PLEKHA5: variants seen among roughly 807,000 people sequenced by gnomAD.
PLEKHA5 encodes the protein pleckstrin homology domain-containing family A member 5.
PLEKHA5 carries 55 observed loss-of-function variants against 181.9 expected under a neutral mutation model. That is an observed-to-expected ratio of 0.30 (90% CI 0.24 to 0.38). The LOEUF is 0.38. Ranked by LOEUF, PLEKHA5 falls within the 10% of genes least tolerant of loss-of-function variation. The pLI, the probability that PLEKHA5 is intolerant of heterozygous loss-of-function variation, is 1.00. For synonymous variants in PLEKHA5, 535 were observed against 529.4 expected, an observed-to-expected ratio of 1.01 and a Z score of -0.15; for missense variants, 1,432 against 1,549.5, an observed-to-expected ratio of 0.92 and a Z score of 1.27.
In PLEKHA5 at chr12:19,363,457, G is replaced by A. The variant is rs150225264; in HGVS notation, c.3608+1751G>A. Among the ~76,000 whole-genome samples, 1,097 of 146,092 alleles carry A rather than the reference G, an allele frequency of 7.5e-3. 14 individuals carry two copies. The highest frequency in any genetic ancestry group is 0.026 in the African/African-American group (1,039 of 39,326). On this transcript the variant is annotated intron_variant, in intron 29 of 31. Coordinates refer to ENST00000429027, the MANE Select transcript of PLEKHA5 (RefSeq NM_001256470.2). ...GCTGGTATTACAGGCGTGAGCCATC[G>A]TGCCTGGCCATTTTTAGCTATATTT...
At chr12:19,162,755 A>T (rs374401393) in intron 3 of PLEKHA5, among the ~76,000 whole-genome samples, 11 of 152,168 alleles carry the variant, frequency 7.2e-5, no homozygotes, top group African/African-American at 2.7e-4. Flanking sequence ...TCTGGCAGCT[A>T]AGTGCCCTGT....
intron 3 of PLEKHA5, among the ~76,000 whole-genome samples, chr12:19,181,698 C>CCTT (rs2048629994): frequency 6.6e-6 from 1 of 152,128 alleles, no homozygotes; most frequent in South Asian, 2.1e-4. Flanking sequence ...AGTGCTTGAA[C>CCTT]CTGGGAGGCA....
intron 15 of PLEKHA5, among the ~76,000 whole-genome samples, chr12:19,303,076 C>T (rs1192326371): frequency 2.0e-5 from 3 of 151,430 alleles, no homozygotes; most frequent in South Asian, 2.1e-4. Context: ...CGCACACCAC[C>T]GCACCCAGCT....
At chr12:19,264,420 T>C (rs2069608454) in intron 7 of PLEKHA5, among the ~76,000 whole-genome samples, 1 of 152,216 alleles carries the variant, frequency 6.6e-6, no homozygotes, top group South Asian at 2.1e-4. Flanking sequence ...TTAATAAAGA[T>C]GACTTCATGT....
intron 31 of PLEKHA5, among the ~76,000 whole-genome samples, chr12:19,374,815 T>C (rs375808808): frequency 8.8e-5 from 13 of 147,284 alleles, no homozygotes; most frequent in East Asian, 6.2e-4. Flanking sequence ...ATTAGCTGGA[T>C]GTGGTGATGT....
At chr12:19,363,960 T>C (rs1254961577) in intron 29 of PLEKHA5, among the ~76,000 whole-genome samples, 7 of 152,202 alleles carry the variant, frequency 4.6e-5, no homozygotes, top group Non-Finnish European at 2.9e-5. Flanking sequence ...AAGAAAAATA[T>C]CTCTGCTGAA....
At chr12:19,261,663 T>C (rs570698620) in intron 7 of PLEKHA5, among the ~76,000 whole-genome samples, 1 of 152,306 alleles carries the variant, frequency 6.6e-6, no homozygotes, top group South Asian at 2.1e-4. Context: ...TAGTATAAAA[T>C]GATGAATCTG....
chr12:19,203,129 C>T (rs1264181663), intron 3 of PLEKHA5, among the ~76,000 whole-genome samples: 1 of 151,988 alleles, frequency 6.6e-6, no homozygotes, highest in Non-Finnish European at 1.5e-5. Context: ...AATCAGAACA[C>T]TTAAGTTGGA....
intron 3 of PLEKHA5, among the ~76,000 whole-genome samples, chr12:19,232,188 A>G (rs902455531): frequency 6.6e-6 from 1 of 152,148 alleles, no homozygotes; most frequent in Non-Finnish European, 1.5e-5. Context: ...GTTGTGCAAG[A>G]TAGTTTATAT....
chr12:19,326,568 A>G (rs1240623306), intron 20 of PLEKHA5, among the ~76,000 whole-genome samples: 2 of 152,200 alleles, frequency 1.3e-5, no homozygotes, highest in East Asian at 1.9e-4. Flanking sequence ...TGTTCCCTAT[A>G]CTTTTTATTT....
chr12:19,210,964 C>T (rs1396600161), intron 3 of PLEKHA5, among the ~76,000 whole-genome samples: 1 of 151,940 alleles, frequency 6.6e-6, no homozygotes, highest in Non-Finnish European at 1.5e-5. Flanking sequence ...TTAACAATGA[C>T]ATTCAATAGA....
chr12:19,205,376 A>T (rs1261651986), intron 3 of PLEKHA5: 2 of 984,886 alleles, frequency 2.0e-6, no homozygotes, highest in Non-Finnish European at 2.4e-6. Context: ...GAAGCATGTA[A>T]TTTGTCTTTA....
At chr12:19,363,976 G>A (rs2095343244) in intron 29 of PLEKHA5, among the ~76,000 whole-genome samples, 1 of 152,140 alleles carries the variant, frequency 6.6e-6, no homozygotes, top group South Asian at 2.1e-4. Flanking sequence ...CTGAATTTTT[G>A]TATTAAGAAG....
At chr12:19,338,031 CAA>C (rs35715796) in intron 21 of PLEKHA5, among the ~76,000 whole-genome samples, 25 of 86,808 alleles carry the variant, frequency 2.9e-4, no homozygotes, top group Admixed American at 2.6e-4. Flanking sequence ...AGCTCCATCT[CAA>C]AAAAAAAAAA....
chr12:19,366,342 C>T (rs1215891489), intron 30 of PLEKHA5, among the ~76,000 whole-genome samples: 1 of 152,092 alleles, frequency 6.6e-6, no homozygotes, highest in African/African-American at 2.4e-5. Context: ...AATTTTAACA[C>T]ATAGAGTAAA....
intron 3 of PLEKHA5, among the ~76,000 whole-genome samples, chr12:19,204,643 T>G (rs2054968847): frequency 6.6e-6 from 1 of 152,196 alleles, no homozygotes; most frequent in African/African-American, 2.4e-5. Context: ...TAAAAATTTT[T>G]GTATAGGTTT....
At chr12:19,142,199 A>C (rs970210245) in intron 3 of PLEKHA5, among the ~76,000 whole-genome samples, 2 of 109,358 alleles carry the variant, frequency 1.8e-5, no homozygotes, top group African/African-American at 5.7e-5. Flanking sequence ...CAATCTCTAC[A>C]AAAAAAAATT....
At chr12:19,157,991 A>G (rs1421927085) in intron 3 of PLEKHA5, among the ~76,000 whole-genome samples, 5 of 152,170 alleles carry the variant, frequency 3.3e-5, no homozygotes, top group Non-Finnish European at 5.9e-5. Context: ...ACCTCTACTC[A>G]TGTCAACTAA....
At chr12:19,215,254 T>C in intron 3 of PLEKHA5, among the ~76,000 whole-genome samples, 1 of 152,210 alleles carries the variant, frequency 6.6e-6, no homozygotes, top group African/African-American at 2.4e-5. Flanking sequence ...AACTTCCTTG[T>C]CAGTTTAAGC....
Sources: gnomAD v4.1 joint callset for allele counts (sites outside exome capture counted in the v4.1 genomes callset) on GRCh38, gnomAD v4.1.1 for gene constraint, MANE v1.5 for transcripts, NCBI Gene and HGNC (gene_info 2026-07-23, HGNC 2026-07-21) for gene names.